The following B4GALNT2 variants were observed in gnomAD, a reference collection of about 807,000 sequenced individuals.
The protein encoded by B4GALNT2 is beta-1,4-N-acetyl-galactosaminyltransferase 2 (SID blood group).
Under a neutral mutation model 51.1 loss-of-function variants are expected in B4GALNT2, and 42 were observed. The ratio of observed to expected loss-of-function variants is 0.82; its 90% CI spans 0.64 to 1.06. The LOEUF (loss-of-function observed/expected upper bound fraction) is 1.06, where lower values mean the gene tolerates loss of function less well. B4GALNT2 is among the 50% of genes least tolerant of loss of function. B4GALNT2 has a pLI of 0.00. For missense variants in B4GALNT2, 602 were observed against 633.6 expected, an observed-to-expected ratio of 0.95 and a Z score of 0.54; for synonymous variants, 253 against 251.7, an observed-to-expected ratio of 1.01 and a Z score of -0.05.
At chr17:49,152,442 G>A (rs1232311584) in intron 3 of B4GALNT2, among the ~76,000 whole-genome samples, 2 of 151,986 alleles carry the variant, frequency 1.3e-5, no homozygotes, top group African/African-American at 4.8e-5. Context: ...GGGAGGCCAA[G>A]GCAGGTGGAT....
chr17:49,171,889 G>A lies in B4GALNT2; in HGVS notation c.*2161G>A. On this transcript the variant is annotated 3_prime_UTR_variant, in exon 11 of 11. Coordinates refer to ENST00000393354, the MANE Select transcript of B4GALNT2 (RefSeq NM_001159387.2). ...CTGCCTTTGCTTTGCCTCAATTATA[G>A]GAGCAGATTTATTATGGTAAATATT... The A allele has an allele frequency of 3.2e-6, 1 of 315,756 alleles. No homozygotes were observed. Among genetic ancestry groups the A allele is most frequent in the Non-Finnish European group, 6.0e-6 (1 of 165,764 alleles). 19.6% of individuals were successfully genotyped at this position (315,756 alleles called of 1,614,324 possible).
intron 6 of B4GALNT2, among the ~76,000 whole-genome samples, chr17:49,159,646 C>T (rs1038469029): frequency 6.6e-6 from 1 of 152,066 alleles, no homozygotes; most frequent in Admixed American, 6.5e-5. Context: ...GGCCTGCCTG[C>T]CTGCTTTTAA....
chr17:49,176,321 G>A lies in B4GALNT2; in HGVS notation c.*6593G>A, dbSNP rs1032425226. On this transcript the variant is annotated 3_prime_UTR_variant, in exon 11 of 11. Transcript: ENST00000393354. ...CAGGGGACTCACAGCCTTCAGAGCT[G>A]AAAGCCCCGAACAGAGTTTGACTCA... The A allele has an allele frequency of 7.2e-5, 11 of 152,366 alleles. No homozygotes were observed. Among genetic ancestry groups the A allele is most frequent in the African/African-American group, 2.4e-4 (10 of 41,578 alleles). The allele number at this position is 152,366 out of a possible 1,614,324, so 9.4% of individuals were successfully genotyped here.
In B4GALNT2 at chr17:49,175,015, T is replaced by C. The variant is rs571771066; in HGVS notation, c.*5287T>C. 5.3e-5 allele frequency: 8 copies of C among 152,314 alleles called. No individual in the cohort carries two copies. The highest frequency in any genetic ancestry group is 1.9e-4 in the African/African-American group (8 of 41,572). The allele number at this position is 152,314 out of a possible 1,614,324, so 9.4% of individuals were successfully genotyped here. ...AAATGTATAGGTACAGAAGTTATAA[T>C]TGGTTGAATAGTCCCATGTTGTCCA... On this transcript the variant is annotated 3_prime_UTR_variant, in exon 11 of 11. Transcript: ENST00000393354.
intron 3 of B4GALNT2, among the ~76,000 whole-genome samples, chr17:49,150,370 T>A (rs1256516667): frequency 6.6e-6 from 1 of 151,884 alleles, no homozygotes; most frequent in African/African-American, 2.4e-5. Flanking sequence ...TGGCCACCCC[T>A]ACTGGGAAGT....
intron 1 of B4GALNT2, among the ~76,000 whole-genome samples, chr17:49,139,119 T>A (rs2042616601): frequency 6.6e-6 from 1 of 152,224 alleles, no homozygotes; most frequent in African/African-American, 2.4e-5. Flanking sequence ...GAATATGTAA[T>A]CATTTCACCT....
Position 49,176,042 on chromosome 17 carries a change from A to C in B4GALNT2, c.*6314A>C, listed in dbSNP as rs1451864722. ...TAAGGTGGAACGCACCAGAGCCCAC[A>C]CTTGTCCCATTGTTACCCTGATGTT... is the stretch of plus-strand genomic sequence containing the variant. On this transcript the variant is annotated 3_prime_UTR_variant, in exon 11 of 11. Coordinates refer to ENST00000393354, the MANE Select transcript of B4GALNT2 (RefSeq NM_001159387.2). 1.3e-5 allele frequency: 2 copies of C among 152,182 alleles called. No homozygotes were observed. Among genetic ancestry groups the C allele is most frequent in the Non-Finnish European group, 2.9e-5 (2 of 68,054 alleles). The allele number at this position is 152,182 out of a possible 1,614,324, so 9.4% of individuals were successfully genotyped here. A position where few individuals can be genotyped will look rare whatever the true frequency, so the allele number is the denominator to read the frequency against.
the B4GALNT2 span, among the ~76,000 whole-genome samples, chr17:49,123,363 T>C: frequency 6.6e-6 from 1 of 152,244 alleles, no homozygotes; most frequent in East Asian, 1.9e-4. Context: ...ACAGCTTATT[T>C]GGAAACTTGT....
At chr17:49,131,982 TTA>T (rs2042542463), upstream of B4GALNT2, among the ~76,000 whole-genome samples, 1 of 151,970 alleles carries the variant, frequency 6.6e-6, no homozygotes, top group African/African-American at 2.4e-5. Context: ...ATTATTATTA[TTA>T]TTTTTTAATT....
intron 10 of B4GALNT2, 30 bp downstream of exon 10, chr17:49,168,930 G>A (rs1402375947): frequency 3.1e-6 from 5 of 1,595,952 alleles, no homozygotes; most frequent in Middle Eastern, 2.2e-4. Context: ...GAGGGAGGGA[G>A]CTGGGCTGGG....
chr17:49,146,723 A>T (rs1397549686), intron 3 of B4GALNT2, among the ~76,000 whole-genome samples: 1 of 152,172 alleles, frequency 6.6e-6, no homozygotes, highest in Non-Finnish European at 1.5e-5. Flanking sequence ...TTAAGGTGGG[A>T]ATGTAGTTTT....
intron 1 of B4GALNT2, among the ~76,000 whole-genome samples, chr17:49,133,991 G>A (rs1231691824): frequency 6.6e-6 from 1 of 152,176 alleles, no homozygotes; most frequent in Non-Finnish European, 1.5e-5. Flanking sequence ...TTGGCGGAAT[G>A]GGGGAAAGGA....
the B4GALNT2 span, among the ~76,000 whole-genome samples, chr17:49,126,225 T>A: frequency 1.3e-5 from 2 of 152,166 alleles, no homozygotes; most frequent in African/African-American, 4.8e-5. Flanking sequence ...CTCTGAAACA[T>A]GTGCTGTGTC....
chr17:49,132,494 A>G, upstream of B4GALNT2: 1 of 363,476 alleles, frequency 2.8e-6, no homozygotes, highest in East Asian at 4.0e-5. Context: ...GGGACACAGC[A>G]TAGCGAGGAA....
rs1174085774 is a variant in B4GALNT2, at chr17:49,159,102, G to A, written c.564G>A (p.Gln188=). 3.7e-6 allele frequency: 6 copies of A among 1,614,252 alleles called. No individual in the cohort carries two copies. In the South Asian group the frequency reaches 6.6e-5, roughly 18 times the overall value. Reference sequence around the variant, plus strand: ...CTGATGTCCCAGACAGTGTGGTGCAGGGCAGAGGCCAGAAGCAGCTGATCA... The same window carrying A: ...CTGATGTCCCAGACAGTGTGGTGCAAGGCAGAGGCCAGAAGCAGCTGATCA... ...TLADVPDSVV[Q]GRGQKQLIIS... is the part of the protein sequence containing the mutation. Residue 188 remains glutamine (Q), a synonymous_variant, in exon 6 of 11, where the codon CAG becomes CAA. Coordinates refer to ENST00000393354, the MANE Select transcript of B4GALNT2 (RefSeq NM_001159387.2).
At chr17:49,137,765 C>T (rs990921174) in intron 1 of B4GALNT2, among the ~76,000 whole-genome samples, 1 of 152,130 alleles carries the variant, frequency 6.6e-6, no homozygotes, top group African/African-American at 2.4e-5. Flanking sequence ...TGTTAAGTTA[C>T]CCACTAAAAT....
intron 9 of B4GALNT2, among the ~76,000 whole-genome samples, chr17:49,167,671 G>A (rs970771453): frequency 3.4e-5 from 5 of 148,132 alleles, no homozygotes; most frequent in Admixed American, 1.4e-4. Flanking sequence ...GTGCAGTGGC[G>A]CAATCCTGGC....
intron 8 of B4GALNT2, among the ~76,000 whole-genome samples, chr17:49,164,663 G>A (rs1020371079): frequency 6.6e-6 from 1 of 151,692 alleles, no homozygotes; most frequent in African/African-American, 2.4e-5. Context: ...CACCACACCC[G>A]GCTATTTTTT....
At chr17:49,129,182 GAGAGAGAC>G (rs1198509264), upstream of B4GALNT2, among the ~76,000 whole-genome samples, 2 of 106,220 alleles carry the variant, frequency 1.9e-5, no homozygotes, top group African/African-American at 7.1e-5. Context: ...GGGAGAGAAA[GAGAGAGAC>G]AGAGAGAGAG....
Sources: gnomAD v4.1 joint callset for allele counts (sites outside exome capture counted in the v4.1 genomes callset) on GRCh38, gnomAD v4.1.1 for gene constraint, MANE v1.5 for transcripts, NCBI Gene and HGNC (gene_info 2026-07-23, HGNC 2026-07-21) for gene names.